Variants in CRPPA observed in about 807,000 individuals in gnomAD.
CRPPA encodes D-ribitol-5-phosphate cytidylyltransferase.
Under a neutral mutation model 52.0 loss-of-function variants are expected in CRPPA, and 43 were observed. The ratio of observed to expected loss-of-function variants is 0.83; its 90% CI spans 0.65 to 1.07. The LOEUF is 1.07. Ranked by LOEUF, CRPPA falls within the 50% of genes least tolerant of loss-of-function variation. The pLI, the probability that CRPPA is intolerant of heterozygous loss-of-function variation, is 0.00. For missense variants in CRPPA, 629 were observed against 551.7 expected (o/e 1.14, Z -1.40); for synonymous variants, 250 against 203.5 (o/e 1.23, Z -1.94).
At chr7:16,307,212 A>G (rs1784930668) in intron 4 of CRPPA, among the ~76,000 whole-genome samples, 1 of 152,316 alleles carries the variant, frequency 6.6e-6, no homozygotes, top group Non-Finnish European at 1.5e-5. Flanking sequence ...CAAGATTATG[A>G]AATAATCTTA....
chr7:16,157,205 A>G (rs1376013492), intron 9 of CRPPA, among the ~76,000 whole-genome samples: 1 of 147,106 alleles, frequency 6.8e-6, no homozygotes, highest in Non-Finnish European at 1.5e-5. Context: ...TTTTTGCCCT[A>G]AAGAGCCAAG....
chr7:16,253,298 T>C (rs1020428321), intron 8 of CRPPA, among the ~76,000 whole-genome samples: 1 of 152,238 alleles, frequency 6.6e-6, no homozygotes, highest in African/African-American at 2.4e-5. Context: ...TATTCTGGCA[T>C]GCGGTGTCTT....
intron 8 of CRPPA, among the ~76,000 whole-genome samples, chr7:16,246,371 T>C (rs1187151134): frequency 6.6e-6 from 1 of 152,192 alleles, no homozygotes; most frequent in African/African-American, 2.4e-5. Context: ...ACATCAGCAG[T>C]TACTTCCCCT....
Position 16,297,021 on chromosome 7 carries a change from G to C in CRPPA, c.835+4400C>G, listed in dbSNP as rs370607854. Among the ~76,000 whole-genome samples, 14 of 152,306 alleles carry C rather than the reference G, an allele frequency of 9.2e-5. No individual in the cohort carries two copies. The South Asian group carries it at 1.9e-3, about 20-fold the overall frequency. ...ACCACTGATGTACTCACCCAAGAGA[G>C]AGCTCTTGAATCCAGCATCTGCTTT... is the stretch of plus-strand genomic sequence containing the variant. On this transcript the variant is annotated intron_variant, in intron 5 of 9. Transcript: ENST00000407010.
At chr7:16,220,426 G>A (rs1782466983) in intron 8 of CRPPA, among the ~76,000 whole-genome samples, 3 of 65,958 alleles carry the variant, frequency 4.5e-5, no homozygotes, top group Non-Finnish European at 2.8e-5. Flanking sequence ...TCAACATAGT[G>A]TTGGAAGTTC....
chr7:16,286,084 ATT>A lies in CRPPA; in HGVS notation c.836-7860_836-7859del, dbSNP rs1241704782. ...ATATATATATATATATATATATAAT[ATT>A]TAAAAAAAAAAATATATATATATAT... On this transcript the variant is annotated intron_variant, in intron 5 of 9. Coordinates refer to ENST00000407010, the MANE Select transcript of CRPPA (RefSeq NM_001101426.4). Among the ~76,000 whole-genome samples the A allele has an allele frequency of 5.8e-4, 16 of 27,486 alleles. 1 individual carries two copies. The highest frequency in any genetic ancestry group is 3.3e-3 in the Admixed American group (8 of 2,408). The allele number at this position is 27,486 out of a possible 152,430, so 18.0% of individuals were successfully genotyped here. A position where few individuals can be genotyped will look rare whatever the true frequency, so the allele number is the denominator to read the frequency against.
intron 9 of CRPPA, among the ~76,000 whole-genome samples, chr7:16,210,906 T>C (rs1034163853): frequency 6.6e-6 from 1 of 151,524 alleles, no homozygotes; most frequent in Non-Finnish European, 1.5e-5. Flanking sequence ...AAACCTACTG[T>C]TCAATACATC....
chr7:16,181,389 C>G lies in CRPPA; in HGVS notation c.1251+34677G>C, dbSNP rs73304834. 3.0e-3 allele frequency among the ~76,000 whole-genome samples: 452 copies of G among 152,000 alleles called. 2 individuals are homozygous for G. The highest frequency in any genetic ancestry group is 0.011 in the African/African-American group (440 of 41,548). ...TAAGATTAGAATCTGTTTTATCATT[C>G]ATTAGCTATCACCACAATCAAATTG... is the stretch of plus-strand genomic sequence containing the variant. On this transcript the variant is annotated intron_variant, in intron 9 of 9. Coordinates refer to ENST00000407010, the MANE Select transcript of CRPPA (RefSeq NM_001101426.4).
intron 3 of CRPPA, among the ~76,000 whole-genome samples, chr7:16,334,217 C>CTG (rs1333965263): frequency 1.3e-5 from 2 of 152,150 alleles, no homozygotes; most frequent in African/African-American, 2.4e-5. Flanking sequence ...TCCCGCATAG[C>CTG]CCAGGTGTCC....
At chr7:16,098,436 T>C (rs1562501849) in intron 9 of CRPPA, among the ~76,000 whole-genome samples, 1 of 152,180 alleles carries the variant, frequency 6.6e-6, no homozygotes, top group Non-Finnish European at 1.5e-5. Flanking sequence ...TTTCCATGAG[T>C]TACAAAATCT....
At chr7:16,101,955 AC>A (rs1452633585) in intron 9 of CRPPA, among the ~76,000 whole-genome samples, 4 of 152,290 alleles carry the variant, frequency 2.6e-5, no homozygotes, top group South Asian at 2.1e-4. Context: ...AGAAAAAACT[AC>A]CTTAAATTTC....
intron 3 of CRPPA, among the ~76,000 whole-genome samples, chr7:16,351,756 G>A (rs1425908166): frequency 6.6e-6 from 1 of 152,124 alleles, no homozygotes; most frequent in Non-Finnish European, 1.5e-5. Flanking sequence ...TAAAAAGTCA[G>A]GAAACAACAG....
intron 6 of CRPPA, among the ~76,000 whole-genome samples, chr7:16,262,401 T>A (rs949317188): frequency 6.6e-6 from 1 of 152,182 alleles, no homozygotes; most frequent in Admixed American, 6.5e-5. Context: ...GCTTTCATAA[T>A]AATTTTGTTT....
intron 8 of CRPPA, among the ~76,000 whole-genome samples, chr7:16,231,807 T>A (rs1782804933): frequency 1.3e-5 from 2 of 152,150 alleles, no homozygotes; most frequent in Non-Finnish European, 2.9e-5. Context: ...GCAAACTATA[T>A]AAAACAATGT....
At chr7:16,188,873 T>A (rs1021951224) in intron 9 of CRPPA, among the ~76,000 whole-genome samples, 1 of 152,210 alleles carries the variant, frequency 6.6e-6, no homozygotes, top group African/African-American at 2.4e-5. Flanking sequence ...CTGACTAGTA[T>A]ACAGCAGGTC....
intron 3 of CRPPA, among the ~76,000 whole-genome samples, chr7:16,326,386 A>G (rs554490403): frequency 1.3e-5 from 2 of 152,316 alleles, no homozygotes; most frequent in East Asian, 3.9e-4. Flanking sequence ...TTGAAGGAGG[A>G]AATCCCTCTT....
At chr7:16,191,879 A>G (rs960671548) in intron 9 of CRPPA, among the ~76,000 whole-genome samples, 2 of 152,082 alleles carry the variant, frequency 1.3e-5, no homozygotes, top group Non-Finnish European at 2.9e-5. Context: ...TTTCTTTTGT[A>G]CTATTTTTAC....
intron 9 of CRPPA, among the ~76,000 whole-genome samples, chr7:16,165,858 A>C (rs922610142): frequency 3.9e-5 from 6 of 152,230 alleles, no homozygotes; most frequent in Non-Finnish European, 2.9e-5. Flanking sequence ...TTGGTGTACT[A>C]TAACACTTCA....
At chr7:16,178,211 C>A (rs560680127) in intron 9 of CRPPA, among the ~76,000 whole-genome samples, 119 of 152,130 alleles carry the variant, frequency 7.8e-4, no homozygotes, top group South Asian at 1.7e-3. Flanking sequence ...GATTCTGGCC[C>A]TAGCTCAGTC....
Sources: gnomAD v4.1 joint callset for allele counts (sites outside exome capture counted in the v4.1 genomes callset) on GRCh38, gnomAD v4.1.1 for gene constraint, MANE v1.5 for transcripts, NCBI Gene and HGNC (gene_info 2026-07-23, HGNC 2026-07-21) for gene names.